The following HIVEP3 variants were observed in gnomAD, a reference collection of about 807,000 sequenced individuals.
HIVEP3 encodes the protein HIVEP zinc finger 3.
A neutral mutation model predicts 152.8 loss-of-function variants in HIVEP3; 49 were observed. The ratio of observed to expected loss-of-function variants is 0.32; its 90% CI spans 0.26 to 0.41. HIVEP3 has a LOEUF of 0.41. HIVEP3 is among the 10% of genes least tolerant of loss of function. The pLI is 1.00. For synonymous variants in HIVEP3, 1,269 were observed against 1,289.0 expected (o/e 0.98, Z 0.33); for missense variants, 2,790 against 3,103.3 (o/e 0.90, Z 2.40).
chr1:41,577,087 C>T (rs1407445187), intron 4 of HIVEP3, among the ~76,000 whole-genome samples: 1 of 152,182 alleles, frequency 6.6e-6, no homozygotes, highest in Non-Finnish European at 1.5e-5. Flanking sequence ...TCACAGCCTG[C>T]CGTGATATCT....
intron 3 of HIVEP3, among the ~76,000 whole-genome samples, chr1:41,616,783 C>T (rs1046142906): frequency 3.3e-5 from 5 of 152,080 alleles, no homozygotes; most frequent in African/African-American, 1.2e-4. Flanking sequence ...TGGTATCATC[C>T]TATGTACATT....
chr1:41,589,971 C>T (rs573197279), intron 3 of HIVEP3, among the ~76,000 whole-genome samples: 2 of 152,314 alleles, frequency 1.3e-5, no homozygotes, highest in East Asian at 1.9e-4. Flanking sequence ...GAAGAGGAGG[C>T]ACTCAGTAAA....
At chr1:41,837,805 T>C (rs1643170179) in intron 1 of HIVEP3, among the ~76,000 whole-genome samples, 1 of 152,342 alleles carries the variant, frequency 6.6e-6, no homozygotes, top group African/African-American at 2.4e-5. Context: ...AGGTACTTGA[T>C]GAGTGTCACC....
intron 2 of HIVEP3, among the ~76,000 whole-genome samples, chr1:41,661,921 C>T (rs932760705): frequency 6.6e-6 from 1 of 152,190 alleles, no homozygotes; most frequent in African/African-American, 2.4e-5. Context: ...AGAGCGCGTG[C>T]ATCAGGCCAC....
At chr1:41,820,187 C>T (rs188714150) in intron 1 of HIVEP3, among the ~76,000 whole-genome samples, 3 of 152,180 alleles carry the variant, frequency 2.0e-5, no homozygotes, top group East Asian at 3.9e-4. Context: ...TGTTTAAATC[C>T]CCCTTTATAA....
chr1:41,681,009 C>A (rs1472942286), intron 2 of HIVEP3, among the ~76,000 whole-genome samples: 1 of 152,062 alleles, frequency 6.6e-6, no homozygotes, highest in East Asian at 1.9e-4. Flanking sequence ...TAATACTATT[C>A]CCAATTTGCA....
At chr1:41,756,488 C>T (rs2124234208) in intron 1 of HIVEP3, among the ~76,000 whole-genome samples, 2 of 152,194 alleles carry the variant, frequency 1.3e-5, no homozygotes, top group South Asian at 4.1e-4. Flanking sequence ...CAAACTTATC[C>T]TAAGGTAATA....
At position 41,544,992 on chromosome 1, in the gene HIVEP3, ATCG is replaced by A. The variant is rs1643691720; in HGVS notation, c.5208-20085_5208-20083del. On this transcript the variant is annotated intron_variant, in intron 5 of 8. Transcript: ENST00000372583. ...CACCACCACTATCACCGCCACCACC[ATCG>A]CTACCATCACCACCACCACCACTAC... 2.6e-5 allele frequency among the ~76,000 whole-genome samples: 2 copies of A among 77,398 alleles called. 1 individual carries two copies. Among genetic ancestry groups the A allele is most frequent in the Non-Finnish European group, 6.0e-5 (2 of 33,552 alleles). 50.8% of individuals were successfully genotyped at this position (77,398 alleles called of 152,430 possible).
chr1:41,753,090 G>T lies in HIVEP3; in HGVS notation c.-800-52095C>A, dbSNP rs181585733. Among the ~76,000 whole-genome samples, 4 of 152,206 alleles carry T rather than the reference G, an allele frequency of 2.6e-5. No individual in the cohort carries two copies. In the South Asian group the frequency reaches 8.3e-4, roughly 31 times the overall value. Reference sequence around the variant, plus strand: ...CAAAACTCCTTCTGTAAAAACTCACGTGAGAACAGTGGCAGGTAACTTGGC... The same window carrying T: ...CAAAACTCCTTCTGTAAAAACTCACTTGAGAACAGTGGCAGGTAACTTGGC... On this transcript the variant is annotated intron_variant, in intron 1 of 8. Coordinates refer to ENST00000372583, the MANE Select transcript of HIVEP3 (RefSeq NM_024503.5).
chr1:41,903,031 T>C, intron 1 of HIVEP3, among the ~76,000 whole-genome samples: 1 of 152,214 alleles, frequency 6.6e-6, no homozygotes, highest in East Asian at 1.9e-4. Context: ...GTTACATTCC[T>C]GAGACATGTT....
upstream of HIVEP3, among the ~76,000 whole-genome samples, chr1:41,921,359 T>TGAA (rs1235965059): frequency 6.6e-6 from 1 of 152,196 alleles, no homozygotes; most frequent in African/African-American, 2.4e-5. Flanking sequence ...GGGAGGTAAT[T>TGAA]GAATCATGGA....
In HIVEP3 at chr1:41,846,447, T is replaced by C. The variant is rs906622948; in HGVS notation, c.-801+71966A>G. On this transcript the variant is annotated intron_variant, in intron 1 of 8. Coordinates refer to ENST00000372583, the MANE Select transcript of HIVEP3 (RefSeq NM_024503.5). Reference sequence around the variant, plus strand: ...AGATTTCAGAGGAAGTTGTCTAAGATGGTGCCAGGTCACCAGAGGTGCCAA... The same window carrying C: ...AGATTTCAGAGGAAGTTGTCTAAGACGGTGCCAGGTCACCAGAGGTGCCAA... 3.3e-5 allele frequency among the ~76,000 whole-genome samples: 5 copies of C among 152,242 alleles called. No individual in the cohort carries two copies. The South Asian group carries it at 6.2e-4, about 19-fold the overall frequency.
At chr1:41,818,061 G>A (rs557431456) in intron 1 of HIVEP3, among the ~76,000 whole-genome samples, 3 of 152,244 alleles carry the variant, frequency 2.0e-5, no homozygotes, top group African/African-American at 4.8e-5. Flanking sequence ...AGGCATCTGC[G>A]ATGTCTAAAC....
At chr1:41,635,106 A>G (rs1437839753) in intron 2 of HIVEP3, among the ~76,000 whole-genome samples, 1 of 152,202 alleles carries the variant, frequency 6.6e-6, no homozygotes, top group African/African-American at 2.4e-5. Flanking sequence ...TCAGTTCTTG[A>G]TGAAATAAAA....
chr1:41,736,186 C>A (rs1029566742), intron 1 of HIVEP3, among the ~76,000 whole-genome samples: 10 of 152,192 alleles, frequency 6.6e-5, no homozygotes, highest in Non-Finnish European at 1.5e-4. Context: ...TCCCTCCCCA[C>A]TTTTAGAAGC....
intron 2 of HIVEP3, among the ~76,000 whole-genome samples, chr1:41,690,157 T>A (rs1463530481): frequency 1.3e-5 from 2 of 151,726 alleles, no homozygotes; most frequent in Non-Finnish European, 2.9e-5. Flanking sequence ...GGCAGGGGAG[T>A]GTGGACAGGT....
intron 1 of HIVEP3, among the ~76,000 whole-genome samples, chr1:41,887,541 G>C (rs1242207282): frequency 6.6e-6 from 1 of 152,172 alleles, no homozygotes; most frequent in Non-Finnish European, 1.5e-5. Context: ...ACACATTTGT[G>C]CCCAGTCATC....
At chr1:41,701,483 T>C (rs1482009055) in intron 1 of HIVEP3, among the ~76,000 whole-genome samples, 1 of 152,200 alleles carries the variant, frequency 6.6e-6, no homozygotes, top group Non-Finnish European at 1.5e-5. Flanking sequence ...AAGAAAGGCG[T>C]GTGTAGACCC....
chr1:41,915,647 T>C (rs1644859493), intron 1 of HIVEP3, among the ~76,000 whole-genome samples: 1 of 152,252 alleles, frequency 6.6e-6, no homozygotes, highest in Admixed American at 6.5e-5. Context: ...AGTGAAATTA[T>C]GTAAATGTGA....
Sources: gnomAD v4.1 joint callset for allele counts (sites outside exome capture counted in the v4.1 genomes callset) on GRCh38, gnomAD v4.1.1 for gene constraint, MANE v1.5 for transcripts, NCBI Gene and HGNC (gene_info 2026-07-23, HGNC 2026-07-21) for gene names.